Variants in ATG5 observed in about 807,000 individuals in gnomAD.
The protein encoded by ATG5 is autophagy protein 5.
In ATG5, 14 loss-of-function variants were observed where a neutral mutation model predicts 36.5. That is an observed-to-expected ratio of 0.38 (90% confidence interval 0.25 to 0.60). The LOEUF is 0.60. ATG5 is among the 20% of genes least tolerant of loss of function. ATG5 has a pLI of 0.60. For missense variants in ATG5, 195 were observed against 326.7 expected, an observed-to-expected ratio of 0.60 and a Z score of 3.11; for synonymous variants, 95 against 101.5, an observed-to-expected ratio of 0.94 and a Z score of 0.38.
chr6:106,265,895 G>A (rs775435442), intron 5 of ATG5, among the ~76,000 whole-genome samples: 7 of 152,198 alleles, frequency 4.6e-5, no homozygotes, highest in South Asian at 2.1e-4. Flanking sequence ...CAGAAAGCTC[G>A]AAAGATCTAA....
intron 6 of ATG5, among the ~76,000 whole-genome samples, chr6:106,222,962 AT>A (rs1298793271): frequency 1.3e-5 from 2 of 152,200 alleles, no homozygotes; most frequent in African/African-American, 2.4e-5. Flanking sequence ...TACCAGCAAT[AT>A]TTTTTAATCT....
chr6:106,317,771 C>T (rs1390964370), intron 1 of ATG5, among the ~76,000 whole-genome samples: 1 of 152,150 alleles, frequency 6.6e-6, no homozygotes, highest in Admixed American at 6.5e-5. Context: ...ACAAATGACA[C>T]AAAATTAACT....
intron 7 of ATG5, among the ~76,000 whole-genome samples, chr6:106,192,607 A>C (rs962699702): frequency 6.6e-6 from 1 of 152,226 alleles, no homozygotes; most frequent in Non-Finnish European, 1.5e-5. Flanking sequence ...TTAAAAGCTC[A>C]TACTTTAAAT....
intron 6 of ATG5, among the ~76,000 whole-genome samples, chr6:106,238,532 G>A (rs1034292238): frequency 4.6e-5 from 7 of 152,268 alleles, no homozygotes; most frequent in African/African-American, 1.2e-4. Flanking sequence ...AGCAGCTCCT[G>A]GGGTTGGGGA....
chr6:106,214,256 A>T (rs1776957028), intron 6 of ATG5, among the ~76,000 whole-genome samples: 2 of 152,182 alleles, frequency 1.3e-5, no homozygotes, highest in Non-Finnish European at 2.9e-5. Context: ...ACCATTTCCA[A>T]ATGAATGCTT....
At chr6:106,303,157 A>C (rs543211227) in intron 3 of ATG5, among the ~76,000 whole-genome samples, 5 of 152,148 alleles carry the variant, frequency 3.3e-5, no homozygotes, top group Admixed American at 2.0e-4. Context: ...AGGAGAGAAA[A>C]ATCCATGAAC....
chr6:106,294,569 A>C (rs1306859547), intron 3 of ATG5, among the ~76,000 whole-genome samples: 2 of 151,872 alleles, frequency 1.3e-5, no homozygotes, highest in Non-Finnish European at 2.9e-5. Flanking sequence ...TGTAATCCCA[A>C]CACTTTGGGG....
intron 4 of ATG5, among the ~76,000 whole-genome samples, chr6:106,282,217 T>C (rs1304294194): frequency 6.6e-6 from 1 of 152,232 alleles, no homozygotes; most frequent in East Asian, 1.9e-4. Context: ...GTGCTACAAT[T>C]TCTTGTCCGA....
chr6:106,311,912 C>T (rs1215398614), intron 2 of ATG5, among the ~76,000 whole-genome samples: 3 of 151,424 alleles, frequency 2.0e-5, no homozygotes, highest in East Asian at 1.9e-4. Context: ...CTCACTGCAA[C>T]GTCTACCTCC....
chr6:106,215,469 A>C (rs955831636), intron 6 of ATG5, among the ~76,000 whole-genome samples: 6 of 152,216 alleles, frequency 3.9e-5, no homozygotes, highest in Admixed American at 3.3e-4. Context: ...TATTCTACTA[A>C]AGTAACATCA....
intron 1 of ATG5, chr6:106,325,240 A>T (rs1267638599): frequency 6.6e-6 from 1 of 152,178 alleles, no homozygotes; most frequent in Non-Finnish European, 1.5e-5. Context: ...CCTGAACTGA[A>T]CTCTAGAGCC....
At chr6:106,245,431 T>C (rs1055610400) in intron 6 of ATG5, among the ~76,000 whole-genome samples, 11 of 152,236 alleles carry the variant, frequency 7.2e-5, no homozygotes, top group Admixed American at 2.6e-4. Context: ...ACAAAAGTCA[T>C]AGTTTGCTCA....
intron 5 of ATG5, among the ~76,000 whole-genome samples, chr6:106,254,239 G>A (rs1311356279): frequency 6.6e-6 from 1 of 152,142 alleles, no homozygotes; most frequent in Non-Finnish European, 1.5e-5. Flanking sequence ...AGGTAAGACA[G>A]TCCCACTTTC....
At chr6:106,197,791 T>G (rs978436730) in intron 7 of ATG5, among the ~76,000 whole-genome samples, 1 of 152,124 alleles carries the variant, frequency 6.6e-6, no homozygotes, top group African/African-American at 2.4e-5. Flanking sequence ...AAATAAACCT[T>G]TTTTCTTTAT....
chr6:106,291,853 C>T (rs932511378), intron 4 of ATG5, among the ~76,000 whole-genome samples: 23 of 152,212 alleles, frequency 1.5e-4, no homozygotes, highest in Non-Finnish European at 2.9e-4. Context: ...CTGTACTGTT[C>T]TTTGGTAACT....
At position 106,290,083 on chromosome 6, in the gene ATG5, C is replaced by T. The variant is rs568130010; in HGVS notation, c.315+2945G>A. Among the ~76,000 whole-genome samples, 28 of 151,748 alleles carry T rather than the reference C, an allele frequency of 1.8e-4. No homozygotes were observed. The South Asian group carries it at 5.0e-3, about 27-fold the overall frequency. On this transcript the variant is annotated intron_variant, in intron 4 of 7. Coordinates refer to ENST00000369076, the MANE Select transcript of ATG5 (RefSeq NM_004849.4). The stretch of plus-strand genomic sequence containing the variant: ...TGTCACCCAGGATAGAGTGCAATCA[C>T]TGTGAGTGGTACAGCTCAATGTAAC...
chr6:106,289,168 ATAAAC>A (rs1382075172), intron 4 of ATG5, among the ~76,000 whole-genome samples: 3 of 152,230 alleles, frequency 2.0e-5, no homozygotes, highest in Non-Finnish European at 4.4e-5. Flanking sequence ...TGTTGAATGT[ATAAAC>A]TATTTTCTAC....
At chr6:106,299,720 T>C (rs1287119598) in intron 3 of ATG5, among the ~76,000 whole-genome samples, 1 of 152,244 alleles carries the variant, frequency 6.6e-6, no homozygotes, top group African/African-American at 2.4e-5. Flanking sequence ...GGTGTAGCAA[T>C]AATGGATATT....
chr6:106,228,551 C>G (rs890895748), intron 6 of ATG5, among the ~76,000 whole-genome samples: 8 of 152,012 alleles, frequency 5.3e-5, no homozygotes, highest in African/African-American at 1.9e-4. Context: ...GCCAAGAACC[C>G]CAGGTCAGAG....
Sources: gnomAD v4.1 joint callset for allele counts (sites outside exome capture counted in the v4.1 genomes callset) on GRCh38, gnomAD v4.1.1 for gene constraint, MANE v1.5 for transcripts, NCBI Gene and HGNC (gene_info 2026-07-23, HGNC 2026-07-21) for gene names.